SHMT1: variants seen among roughly 807,000 people sequenced by gnomAD.
SHMT1 encodes serine hydroxymethyltransferase, cytosolic.
SHMT1 carries 45 observed loss-of-function variants against 49.0 expected under a neutral mutation model. The ratio of observed to expected loss-of-function variants is 0.92; its 90% confidence interval spans 0.72 to 1.18. The LOEUF is 1.18. Ranked by LOEUF, SHMT1 falls within the 50% of genes most tolerant of loss-of-function variation. SHMT1 has a pLI of 0.00. For missense variants in SHMT1, 541 were observed against 612.4 expected (o/e 0.88, Z 1.23); for synonymous variants, 232 against 246.6 (o/e 0.94, Z 0.55).
Position 18,333,207 on chromosome 17 carries a change from A to G in SHMT1, c.1013T>C (p.Leu338Pro). Residue 338 changes from leucine to proline, a missense_variant, in exon 9 of 12, where the codon CTG becomes CCG. Leu to Pro is a moderately conservative substitution (Grantham distance 98). Transcript: ENST00000316694. ...GCCCAGCTCCGTCAGGGCCTCAGACAGAGCCCTGCAGTTGGCCACCACCTG... is the reference window on the plus strand; with the variant it reads ...GCCCAGCTCCGTCAGGGCCTCAGACGGAGCCCTGCAGTTGGCCACCACCTG... ...QHQVVANCRA[L>P]SEALTELGYK... 3.7e-6 allele frequency: 6 copies of G among 1,613,988 alleles called. No homozygotes were observed. Among genetic ancestry groups the G allele is most frequent in the Non-Finnish European group, 3.4e-6 (4 of 1,179,898 alleles).
At chr17:18,348,549 G>T (rs1368397807) in intron 3 of SHMT1, 109 bp from the exon 4 acceptor site, 2 of 800,750 alleles carry the variant, frequency 2.5e-6, no homozygotes, top group South Asian at 1.3e-5. Context: ...GTGGAGAGAA[G>T]TAATGAGAAG....
At chr17:18,356,966 T>C (rs1181765398) in intron 1 of SHMT1, among the ~76,000 whole-genome samples, 1 of 151,982 alleles carries the variant, frequency 6.6e-6, no homozygotes, top group Admixed American at 6.6e-5. Flanking sequence ...TCTCCTGCGG[T>C]ACCCAACACT....
intron 5 of SHMT1, among the ~76,000 whole-genome samples, chr17:18,345,477 G>A (rs1984991721): frequency 6.6e-6 from 1 of 151,922 alleles, no homozygotes; most frequent in Admixed American, 6.6e-5. Flanking sequence ...GGCTGGTCTC[G>A]AACTCCTGAC....
At chr17:18,339,750 C>T (rs995323209) in intron 7 of SHMT1, among the ~76,000 whole-genome samples, 1 of 152,036 alleles carries the variant, frequency 6.6e-6, no homozygotes, top group Non-Finnish European at 1.5e-5. Context: ...TTAGTAGAGA[C>T]GGGGTTTCAC....
chr17:18,329,847 C>T (rs1389011683), intron 10 of SHMT1, among the ~76,000 whole-genome samples: 1 of 152,134 alleles, frequency 6.6e-6, no homozygotes, highest in African/African-American at 2.4e-5. Flanking sequence ...GGTCCCTGCC[C>T]CCGCTCCATT....
At chr17:18,338,628 TGTGGGGAAAA>T (rs1374316042) in intron 7 of SHMT1, among the ~76,000 whole-genome samples, 2 of 152,146 alleles carry the variant, frequency 1.3e-5, no homozygotes, top group East Asian at 3.8e-4. Context: ...AAGGGGGAAA[TGTGGGGAAAA>T]GATAGAGAAA....
At chr17:18,337,051 A>G (rs1983869216) in intron 7 of SHMT1, among the ~76,000 whole-genome samples, 1 of 150,820 alleles carries the variant, frequency 6.6e-6, no homozygotes, top group Non-Finnish European at 1.5e-5. Flanking sequence ...AACCATCAAT[A>G]ATAGCTACTA....
intron 8 of SHMT1, 53 bp from the exon 9 acceptor site, chr17:18,333,341 T>C: frequency 6.3e-7 from 1 of 1,587,556 alleles, no homozygotes; most frequent in Non-Finnish European, 8.6e-7. Flanking sequence ...CATACACAGA[T>C]GATGAGTCAA....
intron 1 of SHMT1, among the ~76,000 whole-genome samples, chr17:18,362,376 A>G (rs1443899483): frequency 6.6e-6 from 1 of 151,768 alleles, no homozygotes; most frequent in East Asian, 1.9e-4. Context: ...GCTGGAGTGC[A>G]GTGGCGTGAT....
chr17:18,358,979 G>C (rs763148987), intron 1 of SHMT1, among the ~76,000 whole-genome samples: 2 of 152,124 alleles, frequency 1.3e-5, no homozygotes, highest in Non-Finnish European at 2.9e-5. Flanking sequence ...GGTTGGGCTG[G>C]GCCCAGTGGC....
chr17:18,343,990 A>T (rs1984812643), intron 5 of SHMT1, among the ~76,000 whole-genome samples: 1 of 152,030 alleles, frequency 6.6e-6, no homozygotes, highest in African/African-American at 2.4e-5. Context: ...CACCACAGGA[A>T]AAACTGGGCT....
rs1982769777 is a variant in SHMT1 at position 18,328,186 on chromosome 17, T to C, written c.*564A>G. On this transcript the variant is annotated 3_prime_UTR_variant, in exon 12 of 12. Transcript: ENST00000316694. Reference sequence around the variant, plus strand: ...GGAGGAGGCCATTTCTACACCATACTTTGAGCTACTGACAGCAAAACCCTC... The same window carrying C: ...GGAGGAGGCCATTTCTACACCATACCTTGAGCTACTGACAGCAAAACCCTC... 6.3e-6 allele frequency: 1 copy of C among 159,988 alleles called. No homozygotes were observed. The highest frequency in any genetic ancestry group is 5.9e-5 in the Admixed American group (1 of 17,038). 9.9% of individuals were successfully genotyped at this position (159,988 alleles called of 1,614,324 possible). A position where few individuals can be genotyped will look rare whatever the true frequency, so the allele number is the denominator to read the frequency against.
At chr17:18,331,930 AAGAT>A (rs1310944441) in intron 9 of SHMT1, 2 of 152,216 alleles carry the variant, frequency 1.3e-5, no homozygotes, top group African/African-American at 4.8e-5. Flanking sequence ...AAGGAAAAAA[AAGAT>A]AGTTTCTTGA....
chr17:18,332,361 G>A (rs914653395), intron 9 of SHMT1: 1 of 152,648 alleles, frequency 6.6e-6, no homozygotes, highest in Non-Finnish European at 1.5e-5. Flanking sequence ...CCTTAGACCA[G>A]GAGGCCTGTA....
At chr17:18,348,498 C>T in intron 3 of SHMT1, 58 bp from the exon 4 acceptor site, 1 of 1,279,356 alleles carries the variant, frequency 7.8e-7, no homozygotes, top group Admixed American at 1.7e-5. Context: ...CTGTGCTTCA[C>T]AGAGGCCAAA....
At position 18,347,550 on chromosome 17, in the gene SHMT1, T is replaced by C; in HGVS notation, c.465A>G (p.Thr155=). 6.2e-7 allele frequency: 1 copy of C among 1,614,202 alleles called. No homozygotes were observed. The highest frequency in any genetic ancestry group is 8.5e-7 in the Non-Finnish European group (1 of 1,180,040). Residue 155 remains threonine, a synonymous_variant, in exon 5 of 12, where the codon ACA becomes ACG. Transcript: ENST00000316694. The stretch of plus-strand genomic sequence containing the variant: ...ACGTGGCAGAGATTTTCTTCTTGTC[T>C]GTCATGAACCCATGGGTCAGGTGGC... ...DGGHLTHGFM[T]DKKKISATSI...
intron 9 of SHMT1, chr17:18,332,745 G>A (rs1387998111): frequency 3.3e-6 from 1 of 304,462 alleles, no homozygotes; most frequent in East Asian, 8.0e-5. Flanking sequence ...GAAACTGGGA[G>A]GGGAGAGCCC....
intron 4 of SHMT1, among the ~76,000 whole-genome samples, chr17:18,347,987 G>A (rs1475993639): frequency 2.7e-5 from 4 of 148,182 alleles, no homozygotes; most frequent in African/African-American, 7.5e-5. Flanking sequence ...GCGCCATCTC[G>A]GCAGCTCACT....
At position 18,352,337 on chromosome 17, in the gene SHMT1, G is replaced by A. The variant is rs574483441; in HGVS notation, c.242+1335C>T. Among the ~76,000 whole-genome samples, 8 of 151,958 alleles carry A rather than the reference G, an allele frequency of 5.3e-5. No homozygotes were observed. The East Asian group carries it at 5.8e-4, about 11-fold the overall frequency. The stretch of plus-strand genomic sequence containing the variant: ...AATTTTTTGTATTTTTAGTAGAGAC[G>A]GGGTTTCACCGTGTTAGCCAGGATG... On this transcript the variant is annotated intron_variant, in intron 3 of 11. Coordinates refer to ENST00000316694, the MANE Select transcript of SHMT1 (RefSeq NM_004169.5).
Sources: gnomAD v4.1 joint callset for allele counts (sites outside exome capture counted in the v4.1 genomes callset) on GRCh38, gnomAD v4.1.1 for gene constraint, MANE v1.5 for transcripts, NCBI Gene and HGNC (gene_info 2026-07-23, HGNC 2026-07-21) for gene names.